The following PTPRD variants were observed in gnomAD, a reference collection of about 807,000 sequenced individuals.
PTPRD encodes protein tyrosine phosphatase receptor type D.
Under a neutral mutation model 214.5 loss-of-function variants are expected in PTPRD, and 34 were observed. The ratio of observed to expected loss-of-function variants is 0.16; its 90% confidence interval spans 0.12 to 0.21. The LOEUF (loss-of-function observed/expected upper bound fraction) is 0.21. PTPRD is among the 10% of genes least tolerant of loss of function. The pLI is 1.00. For synonymous variants in PTPRD, 1,128 were observed against 845.7 expected, an observed-to-expected ratio of 1.33 and a Z score of -5.79; for missense variants, 2,545 against 2,398.7, an observed-to-expected ratio of 1.06 and a Z score of -1.27.
intron 2 of PTPRD, among the ~76,000 whole-genome samples, chr9:10,582,264 T>A (rs1427233219): frequency 6.6e-6 from 1 of 152,154 alleles, no homozygotes; most frequent in African/African-American, 2.4e-5. Flanking sequence ...AAAGATTGAT[T>A]TCTATACCGG....
At position 9,539,756 on chromosome 9, in the gene PTPRD, C is replaced by A. The variant is rs544528256; in HGVS notation, c.-237+34976G>T. 2.1e-3 allele frequency among the ~76,000 whole-genome samples: 324 copies of A among 151,974 alleles called. 1 individual carries two copies. Among genetic ancestry groups the A allele is most frequent in the Non-Finnish European group, 3.5e-3 (239 of 67,856 alleles). ...TCTTTTAGGATGTTAGAATGCTACT[C>A]ACTAAATTGCTGCTTTGGTTCAGCA... On this transcript the variant is annotated intron_variant, in intron 8 of 45. Coordinates refer to ENST00000381196, the MANE Select transcript of PTPRD (RefSeq NM_002839.4).
chr9:8,911,415 T>TTTTG lies in PTPRD; in HGVS notation c.-104+107281_-104+107282insCAAA, dbSNP rs1555510112. 4.7e-3 allele frequency among the ~76,000 whole-genome samples: 595 copies of TTTTG among 127,726 alleles called. 10 individuals are homozygous for TTTTG. Among genetic ancestry groups the TTTTG allele is most frequent in the Admixed American group, 0.034 (429 of 12,746 alleles). The allele number at this position is 127,726 out of a possible 152,430, so 83.8% of individuals were successfully genotyped here. A position where few individuals can be genotyped will look rare whatever the true frequency, so the allele number is the denominator to read the frequency against. On this transcript the variant is annotated intron_variant, in intron 11 of 45. Transcript: ENST00000381196. ...GTGTGTGTCTGTGTGTGTGTGTGTG[T>TTTTG]TGTGTGTGTGTGTGTGTGTGTGTGT...
At chr9:8,987,033 T>A (rs1457377683) in intron 11 of PTPRD, among the ~76,000 whole-genome samples, 4 of 152,114 alleles carry the variant, frequency 2.6e-5, no homozygotes, top group Non-Finnish European at 5.9e-5. Context: ...AGATGGTCAC[T>A]AATAAATAAA....
intron 25 of PTPRD, 111 bp downstream of exon 25, chr9:8,499,536 T>A (rs2097349227): frequency 8.9e-7 from 1 of 1,121,128 alleles, no homozygotes; most frequent in Admixed American, 2.7e-5. Context: ...AAACTAGAAT[T>A]TTGTATAGGA....
In PTPRD at chr9:9,972,583, T is replaced by C. The variant is rs150700596; in HGVS notation, c.-471-33973A>G. On this transcript the variant is annotated intron_variant, in intron 4 of 45. Transcript: ENST00000381196. ...TAATACATTATATACACATTACAAA[T>C]ATAGTAGCTTGAAAGAACACAAATT... is the stretch of plus-strand genomic sequence containing the variant. Among the ~76,000 whole-genome samples, 14 of 152,312 alleles carry C rather than the reference T, an allele frequency of 9.2e-5. No homozygotes were observed. In the East Asian group the frequency reaches 2.5e-3, roughly 27 times the overall value.
intron 8 of PTPRD, among the ~76,000 whole-genome samples, chr9:9,490,823 G>C (rs2095861186): frequency 6.6e-6 from 1 of 151,712 alleles, no homozygotes; most frequent in African/African-American, 2.4e-5. Flanking sequence ...GAAAAACTAT[G>C]ACACTTATAG....
chr9:9,339,343 A>G (rs887508159), intron 9 of PTPRD, among the ~76,000 whole-genome samples: 2 of 150,692 alleles, frequency 1.3e-5, no homozygotes, highest in East Asian at 2.0e-4. Flanking sequence ...AAAATTAGCC[A>G]GGCATGGTGG....
At chr9:10,450,900 A>G (rs1413274039) in intron 2 of PTPRD, among the ~76,000 whole-genome samples, 1 of 151,982 alleles carries the variant, frequency 6.6e-6, no homozygotes, top group Non-Finnish European at 1.5e-5. Flanking sequence ...GAATTTCAAC[A>G]TTTTTAATCA....
intron 8 of PTPRD, among the ~76,000 whole-genome samples, chr9:9,405,976 C>A (rs924661659): frequency 1.1e-4 from 16 of 151,798 alleles, no homozygotes; most frequent in African/African-American, 3.9e-4. Flanking sequence ...TGCAAGTTTG[C>A]CATTTAATTT....
intron 3 of PTPRD, among the ~76,000 whole-genome samples, chr9:10,308,618 C>T (rs797019669): frequency 6.6e-6 from 1 of 151,960 alleles, no homozygotes. Flanking sequence ...TATTTTGATA[C>T]AGTTTGCATT....
At chr9:9,917,517 G>C (rs1206034546) in intron 5 of PTPRD, among the ~76,000 whole-genome samples, 9 of 146,612 alleles carry the variant, frequency 6.1e-5, no homozygotes, top group South Asian at 4.3e-4. Flanking sequence ...CATATCTTTA[G>C]AGTTAACACC....
intron 39 of PTPRD, among the ~76,000 whole-genome samples, chr9:8,350,876 T>C (rs12551994): frequency 0.2 from 30,330 of 152,076 alleles, 3,861 homozygotes; most frequent in Admixed American, 0.35. Flanking sequence ...AATTAATATA[T>C]AGTAGTTATA....
chr9:8,726,161 T>A (rs181115982), intron 12 of PTPRD, among the ~76,000 whole-genome samples: 34 of 152,162 alleles, frequency 2.2e-4, no homozygotes, highest in African/African-American at 7.7e-4. Context: ...GGTATCTCCA[T>A]CCAATCACAG....
intron 3 of PTPRD, among the ~76,000 whole-genome samples, chr9:10,340,015 C>G (rs2096909748): frequency 6.6e-6 from 1 of 151,758 alleles, no homozygotes; most frequent in Non-Finnish European, 1.5e-5. Context: ...CTTCAGGTTT[C>G]TGTTCATACT....
At chr9:9,592,945 T>C (rs1300864962) in intron 7 of PTPRD, among the ~76,000 whole-genome samples, 1 of 151,932 alleles carries the variant, frequency 6.6e-6, no homozygotes, top group Non-Finnish European at 1.5e-5. Context: ...CCTGGGAGGC[T>C]GAGACATGAG....
chr9:10,458,911 T>TA (rs1399944922), intron 2 of PTPRD, among the ~76,000 whole-genome samples: 12 of 152,314 alleles, frequency 7.9e-5, no homozygotes, highest in African/African-American at 2.2e-4. Flanking sequence ...GATTTTTTTT[T>TA]ATTACACTTT....
At chr9:9,871,936 C>T (rs1384079626) in intron 5 of PTPRD, among the ~76,000 whole-genome samples, 4 of 151,942 alleles carry the variant, frequency 2.6e-5, no homozygotes, top group Non-Finnish European at 5.9e-5. Flanking sequence ...GCCTATTTTA[C>T]AATTGCCAGA....
chr9:10,547,033 A>G (rs1333023643), intron 2 of PTPRD, among the ~76,000 whole-genome samples: 1 of 152,070 alleles, frequency 6.6e-6, no homozygotes, highest in Non-Finnish European at 1.5e-5. Context: ...AGCCTCACCA[A>G]GACTCCAATA....
chr9:8,735,889 G>A (rs1214565768), intron 11 of PTPRD, among the ~76,000 whole-genome samples: 1 of 139,750 alleles, frequency 7.2e-6, no homozygotes, highest in Non-Finnish European at 1.5e-5. Flanking sequence ...TCCAGTCTGG[G>A]TGACAAGTGA....
Sources: gnomAD v4.1 joint callset for allele counts (sites outside exome capture counted in the v4.1 genomes callset) on GRCh38, gnomAD v4.1.1 for gene constraint, MANE v1.5 for transcripts, NCBI Gene and HGNC (gene_info 2026-07-23, HGNC 2026-07-21) for gene names.